The following BICDL1 variants were observed in gnomAD, a reference collection of about 807,000 sequenced individuals.
The protein encoded by BICDL1 is BICD family like cargo adaptor 1, also known as BICD family-like cargo adapter 1.
Under a neutral mutation model 76.8 loss-of-function variants are expected in BICDL1, and 20 were observed. That is an observed-to-expected ratio of 0.26 (90% CI 0.18 to 0.38). BICDL1 has a LOEUF of 0.38. BICDL1 is among the 10% of genes least tolerant of loss of function. The pLI is 1.00. For synonymous variants in BICDL1, 383 were observed against 337.1 expected, an observed-to-expected ratio of 1.14 and a Z score of -1.49; for missense variants, 700 against 798.6, an observed-to-expected ratio of 0.88 and a Z score of 1.49.
intron 2 of BICDL1, among the ~76,000 whole-genome samples, chr12:120,006,172 GTCA>G (rs987338937): frequency 3.9e-5 from 6 of 152,172 alleles, no homozygotes; most frequent in African/African-American, 1.2e-4. Context: ...GAGGATCCCC[GTCA>G]TCATGGAATG....
At chr12:119,998,413 T>C in intron 1 of BICDL1, 108 bp from the exon 2 acceptor site, 1 of 883,696 alleles carries the variant, frequency 1.1e-6, no homozygotes, top group Middle Eastern at 3.6e-4. Context: ...TAGGGTGTTT[T>C]ATTGTGTCTA....
chr12:120,002,463 T>C (rs1409107476), intron 2 of BICDL1, among the ~76,000 whole-genome samples: 4 of 152,136 alleles, frequency 2.6e-5, no homozygotes, highest in Admixed American at 6.6e-5. Flanking sequence ...TAATAACATA[T>C]TTACATACCA....
intron 2 of BICDL1, among the ~76,000 whole-genome samples, chr12:120,002,460 A>G (rs975075696): frequency 6.6e-6 from 1 of 152,150 alleles, no homozygotes; most frequent in Non-Finnish European, 1.5e-5. Context: ...ACTTAATAAC[A>G]TATTTACATA....
chr12:120,056,094 A>C (rs1213629300), intron 2 of BICDL1, among the ~76,000 whole-genome samples: 5 of 152,256 alleles, frequency 3.3e-5, no homozygotes, highest in African/African-American at 1.2e-4. Context: ...AATTTCTAAA[A>C]GGACTCCCAA....
chr12:120,065,958 CA>C (rs1953211068), intron 4 of BICDL1, among the ~76,000 whole-genome samples: 1 of 152,278 alleles, frequency 6.6e-6, no homozygotes, highest in South Asian at 2.1e-4. Context: ...AGTAACTTTC[CA>C]TATATTAATA....
At chr12:120,061,222 T>C (rs1953097806) in intron 2 of BICDL1, among the ~76,000 whole-genome samples, 1 of 152,160 alleles carries the variant, frequency 6.6e-6, no homozygotes, top group Non-Finnish European at 1.5e-5. Flanking sequence ...TCTTAACAGG[T>C]ATGACAAGAA....
At chr12:120,000,447 C>A (rs1423588261) in intron 2 of BICDL1, 1 of 152,166 alleles carries the variant, frequency 6.6e-6, no homozygotes, top group Non-Finnish European at 1.5e-5. Context: ...ATGTTTTTGA[C>A]TATTTTCATT....
chr12:120,011,745 C>T (rs963864855), intron 2 of BICDL1, among the ~76,000 whole-genome samples: 1 of 151,808 alleles, frequency 6.6e-6, no homozygotes, highest in South Asian at 2.1e-4. Flanking sequence ...CTCTCAATGG[C>T]TTTACATAAT....
chr12:119,995,620 A>G (rs10849731), intron 1 of BICDL1, among the ~76,000 whole-genome samples: 20,199 of 152,250 alleles, frequency 0.13, 1,667 homozygotes, highest in East Asian at 0.41. Flanking sequence ...GAATAAAAGC[A>G]AGTATCACAA....
chr12:120,014,909 A>C (rs1056752376), intron 2 of BICDL1, among the ~76,000 whole-genome samples: 2 of 152,172 alleles, frequency 1.3e-5, no homozygotes, highest in African/African-American at 4.8e-5. Flanking sequence ...TTTACCAAAT[A>C]GAATCCTTTG....
intron 2 of BICDL1, among the ~76,000 whole-genome samples, chr12:120,060,181 T>C (rs1232935756): frequency 6.6e-6 from 1 of 152,266 alleles, no homozygotes; most frequent in East Asian, 1.9e-4. Context: ...ATATTACTAA[T>C]GTGATTCTTA....
At position 119,991,588 on chromosome 12, in the gene BICDL1, G is replaced by A. The variant is rs181736182; in HGVS notation, c.429+1291G>A. Among the ~76,000 whole-genome samples, 390 of 152,228 alleles carry A rather than the reference G, an allele frequency of 2.6e-3. 2 individuals are homozygous for A. Among genetic ancestry groups the A allele is most frequent in the Middle Eastern group, 6.8e-3 (2 of 294 alleles). On this transcript the variant is annotated intron_variant, in intron 1 of 9. Transcript: ENST00000548673. ...TTGAATTGTTTAATTTTCACTTGAA[G>A]TAGAGGTCTAGAAATAAAAAGCCTT...
intron 9 of BICDL1, chr12:120,090,925 GCTTTTTACTAT>G (rs1874908236): frequency 7.8e-7 from 1 of 1,288,606 alleles, no homozygotes; most frequent in Non-Finnish European, 1.0e-6. Flanking sequence ...CTTCCTCAGG[GCTTTTTACTAT>G]CTGGCTCCTT....
intron 2 of BICDL1, among the ~76,000 whole-genome samples, chr12:120,051,874 A>C (rs1282589525): frequency 6.6e-6 from 1 of 151,980 alleles, no homozygotes; most frequent in East Asian, 1.9e-4. Flanking sequence ...TCCATGTTGC[A>C]CTTGGTTGTC....
rs143777152 is a variant in BICDL1 at position 120,057,818 on chromosome 12, C to CTTTTTTTTTTTTTTTTTT, written c.646-3879_646-3862dup. Among the ~76,000 whole-genome samples the CTTTTTTTTTTTTTTTTTT allele has an allele frequency of 1.9e-4, 15 of 78,324 alleles. 1 individual carries two copies. Among genetic ancestry groups the CTTTTTTTTTTTTTTTTTT allele is most frequent in the African/African-American group, 9.6e-4 (15 of 15,696 alleles). 51.4% of individuals were successfully genotyped at this position (78,324 alleles called of 152,430 possible). ...TGCAAAAGGAGGCCAGCGATTCCTG[C>CTTTTTTTTTTTTTTTTTT]TTTTTTTTTTTTTTTTTTTTTTTTT... On this transcript the variant is annotated intron_variant, in intron 2 of 9. Coordinates refer to ENST00000548673, the MANE Select transcript of BICDL1 (RefSeq NM_001367886.1).
intron 2 of BICDL1, among the ~76,000 whole-genome samples, chr12:120,004,987 A>G (rs150098577): frequency 2.6e-4 from 39 of 152,088 alleles, no homozygotes; most frequent in Middle Eastern, 3.4e-3. Flanking sequence ...ATACCCGGCT[A>G]ATTTTTGGTA....
intron 2 of BICDL1, among the ~76,000 whole-genome samples, chr12:120,053,894 C>A (rs556458861): frequency 2.6e-5 from 4 of 152,098 alleles, no homozygotes; most frequent in South Asian, 4.2e-4. Context: ...ACTGTAAGGC[C>A]AGGTGCAGTG....
chr12:119,999,898 T>A (rs1448156591), intron 2 of BICDL1: 5 of 342,252 alleles, frequency 1.5e-5, no homozygotes, highest in Non-Finnish European at 2.8e-5. Flanking sequence ...ATGGGAGCAG[T>A]GCCGTGTCTG....
chr12:120,033,232 A>T (rs1180165696), intron 2 of BICDL1, among the ~76,000 whole-genome samples: 2 of 151,970 alleles, frequency 1.3e-5, no homozygotes, highest in South Asian at 4.2e-4. Context: ...TCAAGACCCA[A>T]ACCAGAACTG....
Sources: allele counts gnomAD v4.1 joint callset (sites outside exome capture counted in the v4.1 genomes callset), GRCh38; gene constraint gnomAD v4.1.1; transcripts MANE v1.5; gene names NCBI Gene and HGNC (gene_info 2026-07-23, HGNC 2026-07-21).